PDE3B: variants seen among roughly 807,000 people sequenced by gnomAD.
PDE3B encodes the protein cGMP-inhibited 3',5'-cyclic phosphodiesterase 3B.
A neutral mutation model predicts 116.8 loss-of-function variants in PDE3B; 66 were observed. The ratio of observed to expected loss-of-function variants is 0.56; its 90% CI spans 0.46 to 0.69. The LOEUF (loss-of-function observed/expected upper bound fraction) is 0.69, where lower values mean the gene tolerates loss of function less well. Ranked by LOEUF, PDE3B falls within the 30% of genes least tolerant of loss-of-function variation. The pLI is 0.00. For synonymous variants in PDE3B, 595 were observed against 533.6 expected (o/e 1.12, Z -1.59); for missense variants, 1,384 against 1,368.1 (o/e 1.01, Z -0.18).
chr11:14,871,997 A>G lies in PDE3B; in HGVS notation c.*2337A>G, dbSNP rs1179248826. On this transcript the variant is annotated 3_prime_UTR_variant, in exon 16 of 16. Coordinates refer to ENST00000282096, the MANE Select transcript of PDE3B (RefSeq NM_000922.4). ...GAAATATTCTTTTAATGCTATATCT[A>G]TGTACCTACTGACACATTTTTCTCC... The G allele has an allele frequency of 6.6e-6, 1 of 152,198 alleles. No homozygotes were observed. The highest frequency in any genetic ancestry group is 2.4e-5 in the African/African-American group (1 of 41,466). The allele number at this position is 152,198 out of a possible 1,614,324, so 9.4% of individuals were successfully genotyped here.
At chr11:14,776,782 GA>G (rs1857800128) in intron 2 of PDE3B, 1 of 152,038 alleles carries the variant, frequency 6.6e-6, no homozygotes, top group African/African-American at 2.4e-5. Flanking sequence ...CCTAAATGGG[GA>G]TATGCCTTCT....
At chr11:14,667,126 C>G (rs1854183486) in intron 1 of PDE3B, among the ~76,000 whole-genome samples, 1 of 152,062 alleles carries the variant, frequency 6.6e-6, no homozygotes, top group Admixed American at 6.6e-5. Flanking sequence ...GAGTTCATGT[C>G]CTTTGTAGGG....
intron 2 of PDE3B, chr11:14,774,087 G>T (rs1384015895): frequency 6.6e-6 from 1 of 152,224 alleles, no homozygotes; most frequent in Non-Finnish European, 1.5e-5. Context: ...AGGGAAAAGA[G>T]TAGCACAGAA....
At chr11:14,705,592 AAAT>A (rs1001270205) in intron 1 of PDE3B, among the ~76,000 whole-genome samples, 10 of 151,780 alleles carry the variant, frequency 6.6e-5, no homozygotes, top group Non-Finnish European at 1.3e-4. Context: ...CATTTGTTAA[AAAT>A]AATCAAACTG....
chr11:14,680,180 C>T (rs542505316), intron 1 of PDE3B, among the ~76,000 whole-genome samples: 2 of 152,264 alleles, frequency 1.3e-5, no homozygotes, highest in African/African-American at 4.8e-5. Flanking sequence ...AAGGGAACAC[C>T]CTTGGCAGAG....
rs117731170 is a variant in PDE3B, at chr11:14,777,966, C to A, written c.1029+5979C>A. Among the ~76,000 whole-genome samples, 729 of 152,316 alleles carry A rather than the reference C, an allele frequency of 4.8e-3. 5 individuals are homozygous for A. Among genetic ancestry groups the A allele is most frequent in the Middle Eastern group, 0.014 (4 of 294 alleles). On this transcript the variant is annotated intron_variant, in intron 2 of 15. Coordinates refer to ENST00000282096, the MANE Select transcript of PDE3B (RefSeq NM_000922.4). The stretch of plus-strand genomic sequence containing the variant: ...GGCAACTCCCACTGCGCTTTTCCAC[C>A]TAATACTGCGCTTTTCCAACGGTCT...
chr11:14,668,850 G>A (rs1055334632), intron 1 of PDE3B, among the ~76,000 whole-genome samples: 4 of 135,708 alleles, frequency 2.9e-5, no homozygotes, highest in Non-Finnish European at 6.3e-5. Context: ...AAAAGCCAGC[G>A]ATCCAACCAG....
At chr11:14,884,249 C>G in the PDE3B span, among the ~76,000 whole-genome samples, 3 of 151,838 alleles carry the variant, frequency 2.0e-5, no homozygotes, top group African/African-American at 4.8e-5. Flanking sequence ...TATTGCGGCA[C>G]TATTCACAAT....
At chr11:14,685,446 C>CTTTTTTTTTTTTTT (rs71044017) in intron 1 of PDE3B, among the ~76,000 whole-genome samples, 1 of 86,310 alleles carries the variant, frequency 1.2e-5, no homozygotes, top group African/African-American at 3.6e-5. Context: ...TTTTTCTCAT[C>CTTTTTTTTTTTTTT]TTTTTTTTTT....
At chr11:14,839,647 A>G (rs1185356039) in intron 11 of PDE3B, among the ~76,000 whole-genome samples, 1 of 152,220 alleles carries the variant, frequency 6.6e-6, no homozygotes, top group African/African-American at 2.4e-5. Flanking sequence ...ATTCACAAGA[A>G]GACATATATT....
chr11:14,828,110 T>C (rs887883826), intron 7 of PDE3B, among the ~76,000 whole-genome samples: 2 of 152,216 alleles, frequency 1.3e-5, no homozygotes, highest in Non-Finnish European at 2.9e-5. Flanking sequence ...GATAACTGGC[T>C]AGCCATATGT....
chr11:14,837,619 G>T (rs993799689), intron 11 of PDE3B, among the ~76,000 whole-genome samples: 1 of 152,136 alleles, frequency 6.6e-6, no homozygotes, highest in Non-Finnish European at 1.5e-5. Flanking sequence ...TCTCCAGTCT[G>T]TTCTCAATGA....
chr11:14,854,518 ATTTT>A (rs72059847), intron 12 of PDE3B, among the ~76,000 whole-genome samples: 1 of 143,984 alleles, frequency 6.9e-6, no homozygotes, highest in Non-Finnish European at 1.5e-5. Context: ...GAAATCTAGA[ATTTT>A]TTTTTTTTTT....
Position 14,869,487 on chromosome 11 carries a change from C to T in PDE3B, c.3166C>T (p.Arg1056Ter), listed in dbSNP as rs781962262. 1.9e-6 allele frequency: 3 copies of T among 1,611,890 alleles called. No individual in the cohort carries two copies. Among genetic ancestry groups the T allele is most frequent in the African/African-American group, 1.3e-5 (1 of 74,506 alleles). Reference protein sequence around the residue: ...PKPPRRKSRRRIFCQLMHHLT... With the variant: ...PKPPRRKSRR ...ACCACCAAGAAGGAAAAGCAGACGG[C>T]GAATATTTTGTCAGCTAATGCACCA... The change falls in exon 16 of 16, where the codon CGA (arginine) becomes TGA (stop). Residue 1056 changes from arginine to a stop codon, truncating the protein, a stop_gained. Coordinates refer to ENST00000282096, the MANE Select transcript of PDE3B (RefSeq NM_000922.4). LOFTEE classifies it high-confidence loss of function.
At chr11:14,757,113 C>G (rs1322356700) in intron 1 of PDE3B, among the ~76,000 whole-genome samples, 2 of 152,030 alleles carry the variant, frequency 1.3e-5, no homozygotes, top group African/African-American at 4.8e-5. Context: ...TCATCCATGT[C>G]CCTACAAAGG....
At chr11:14,676,024 C>T (rs945864371) in intron 1 of PDE3B, among the ~76,000 whole-genome samples, 1 of 152,088 alleles carries the variant, frequency 6.6e-6, no homozygotes, top group African/African-American at 2.4e-5. Flanking sequence ...TTCCAGTTGC[C>T]CTACATCCTC....
chr11:14,667,332 C>G (rs1478754651), intron 1 of PDE3B, among the ~76,000 whole-genome samples: 1 of 150,632 alleles, frequency 6.6e-6, no homozygotes, highest in East Asian at 2.0e-4. Flanking sequence ...ACACCTAATG[C>G]TAAATGACGA....
intron 1 of PDE3B, among the ~76,000 whole-genome samples, chr11:14,762,153 A>T (rs919066033): frequency 6.7e-6 from 1 of 148,298 alleles, no homozygotes; most frequent in Non-Finnish European, 1.5e-5. Flanking sequence ...CGGATTTTAT[A>T]CTTTTTTTTT....
At chr11:14,826,598 G>A (rs978276408) in intron 7 of PDE3B, among the ~76,000 whole-genome samples, 6 of 151,896 alleles carry the variant, frequency 4.0e-5, no homozygotes, top group African/African-American at 9.7e-5. Flanking sequence ...AGACCAATAA[G>A]AAGCTCCAAA....
Sources: gnomAD v4.1 joint callset for allele counts (sites outside exome capture counted in the v4.1 genomes callset) on GRCh38, gnomAD v4.1.1 for gene constraint, MANE v1.5 for transcripts, NCBI Gene and HGNC (gene_info 2026-07-23, HGNC 2026-07-21) for gene names.